Variants in DSCAM observed in about 807,000 individuals in gnomAD.
DSCAM encodes DS cell adhesion molecule.
In DSCAM, 47 loss-of-function variants were observed where a neutral mutation model predicts 217.7. The observed-to-expected ratio is 0.22, with a 90% CI of 0.17 to 0.28. The LOEUF (loss-of-function observed/expected upper bound fraction) is 0.28. DSCAM is among the 10% of genes least tolerant of loss of function. DSCAM has a pLI of 1.00. For synonymous variants in DSCAM, 1,056 were observed against 1,015.3 expected, an observed-to-expected ratio of 1.04 and a Z score of -0.76; for missense variants, 2,080 against 2,618.3, an observed-to-expected ratio of 0.79 and a Z score of 4.49.
At chr21:40,063,709 G>T (rs1436582929) in intron 27 of DSCAM, among the ~76,000 whole-genome samples, 1 of 152,210 alleles carries the variant, frequency 6.6e-6, no homozygotes, top group African/African-American at 2.4e-5. Context: ...TCAGCTGACA[G>T]TGTGACCAGC....
At chr21:40,411,171 TATATACACAC>T (rs2075319348) in intron 3 of DSCAM, among the ~76,000 whole-genome samples, 1 of 33,404 alleles carries the variant, frequency 3.0e-5, no homozygotes, top group Non-Finnish European at 5.1e-5. Flanking sequence ...AGACAGTAAT[TATATACACAC>T]ACACACACAC....
chr21:40,765,522 A>G (rs143840382), intron 1 of DSCAM, among the ~76,000 whole-genome samples: 220 of 152,302 alleles, frequency 1.4e-3, no homozygotes, highest in African/African-American at 4.3e-3. Context: ...GACCAAAGAA[A>G]AAAAATTTTT....
At chr21:40,651,317 C>T (rs1206709722) in intron 3 of DSCAM, among the ~76,000 whole-genome samples, 1 of 152,192 alleles carries the variant, frequency 6.6e-6, no homozygotes, top group Non-Finnish European at 1.5e-5. Flanking sequence ...ACTATGAAGG[C>T]AGCCACTAAT....
chr21:40,411,055 A>C (rs1304241448), intron 3 of DSCAM, among the ~76,000 whole-genome samples: 2 of 152,124 alleles, frequency 1.3e-5, no homozygotes, highest in African/African-American at 4.8e-5. Context: ...ATATGTAGAA[A>C]TAAAATACAC....
chr21:40,713,056 T>C (rs1302072684), intron 1 of DSCAM, among the ~76,000 whole-genome samples: 1 of 152,214 alleles, frequency 6.6e-6, no homozygotes, highest in African/African-American at 2.4e-5. Context: ...ATTGTCAATC[T>C]GTGCGTCTCA....
At chr21:40,530,440 G>A (rs1034065356) in intron 3 of DSCAM, among the ~76,000 whole-genome samples, 4 of 152,300 alleles carry the variant, frequency 2.6e-5, no homozygotes, top group African/African-American at 9.6e-5. Flanking sequence ...AACAGGTGGT[G>A]TCTTGAACTG....
chr21:40,369,589 C>A lies in DSCAM; in HGVS notation c.509-344G>T, dbSNP rs561970115. Among the ~76,000 whole-genome samples the A allele has an allele frequency of 2.8e-4, 42 of 151,938 alleles. 1 individual carries two copies. The highest frequency in any genetic ancestry group is 2.5e-3 in the Admixed American group (38 of 15,236). Reference sequence around the variant, plus strand: ...AAGTTGTCATATAATTGGTATATACCGAACACAGAAGATTTTCTTGGATCA... The same window carrying A: ...AAGTTGTCATATAATTGGTATATACAGAACACAGAAGATTTTCTTGGATCA... On this transcript the variant is annotated intron_variant, in intron 3 of 32. Coordinates refer to ENST00000400454, the MANE Select transcript of DSCAM (RefSeq NM_001389.5).
intron 32 of DSCAM, among the ~76,000 whole-genome samples, chr21:40,015,918 C>G (rs2837379): frequency 6.6e-6 from 1 of 152,056 alleles, no homozygotes; most frequent in African/African-American, 2.4e-5. Flanking sequence ...GACAGTGTGC[C>G]TTATCCAGCC....
intron 3 of DSCAM, among the ~76,000 whole-genome samples, chr21:40,385,576 T>C (rs1461501224): frequency 2.0e-5 from 3 of 152,312 alleles, no homozygotes; most frequent in African/African-American, 4.8e-5. Context: ...TGTATTGCAT[T>C]GACAGAATTT....
chr21:40,498,733 GTGTA>G (rs1174539780), intron 3 of DSCAM, among the ~76,000 whole-genome samples: 3 of 14,976 alleles, frequency 2.0e-4, no homozygotes, highest in Admixed American at 8.9e-4. Flanking sequence ...ATATGGGTGT[GTGTA>G]TATATATATA....
intron 1 of DSCAM, among the ~76,000 whole-genome samples, chr21:40,798,871 T>C (rs1357134498): frequency 6.6e-6 from 1 of 152,062 alleles, no homozygotes; most frequent in Non-Finnish European, 1.5e-5. Context: ...ATAAAGGTCA[T>C]ACAAAATTAA....
chr21:40,151,943 A>G (rs990313792), intron 16 of DSCAM, among the ~76,000 whole-genome samples: 1 of 152,012 alleles, frequency 6.6e-6, no homozygotes, highest in Non-Finnish European at 1.5e-5. Flanking sequence ...ACTGTCATTC[A>G]TTTTTTTCCT....
chr21:40,550,003 T>C (rs972654585), intron 3 of DSCAM, among the ~76,000 whole-genome samples: 2 of 152,334 alleles, frequency 1.3e-5, no homozygotes, highest in Admixed American at 1.3e-4. Context: ...CATCAAGCCC[T>C]ACGCTTGGTA....
chr21:40,648,963 G>C (rs1055771073), intron 3 of DSCAM, among the ~76,000 whole-genome samples: 4 of 152,190 alleles, frequency 2.6e-5, no homozygotes, highest in African/African-American at 4.8e-5. Flanking sequence ...TCAGCGGGTG[G>C]GGGTGCCTCC....
intron 3 of DSCAM, among the ~76,000 whole-genome samples, chr21:40,411,432 A>G (rs2075322544): frequency 1.3e-5 from 2 of 152,218 alleles, no homozygotes; most frequent in African/African-American, 4.8e-5. Context: ...AACATTGTCA[A>G]TAATCACACT....
intron 3 of DSCAM, among the ~76,000 whole-genome samples, chr21:40,508,758 TATA>T: frequency 6.8e-5 from 1 of 14,778 alleles, no homozygotes. Flanking sequence ...TATATATATA[TATA>T]TATATATATA....
intron 16 of DSCAM, 32 bp downstream of exon 16, chr21:40,167,186 G>A: frequency 6.2e-7 from 1 of 1,604,474 alleles, no homozygotes; most frequent in Non-Finnish European, 8.5e-7. Flanking sequence ...TGGGGGGAAA[G>A]CACCGAGAAT....
At chr21:40,586,769 T>G (rs974858338) in intron 3 of DSCAM, among the ~76,000 whole-genome samples, 3 of 152,234 alleles carry the variant, frequency 2.0e-5, no homozygotes, top group Non-Finnish European at 4.4e-5. Context: ...AACACTACCC[T>G]GCCATGTCAA....
chr21:40,082,779 A>G (rs1293262511), intron 24 of DSCAM, among the ~76,000 whole-genome samples: 2 of 152,134 alleles, frequency 1.3e-5, no homozygotes, highest in African/African-American at 4.8e-5. Flanking sequence ...GAGAGGAGAA[A>G]AAAGGCTCTG....
Sources: allele counts gnomAD v4.1 joint callset (sites outside exome capture counted in the v4.1 genomes callset), GRCh38; gene constraint gnomAD v4.1.1; transcripts MANE v1.5; gene names NCBI Gene and HGNC (gene_info 2026-07-23, HGNC 2026-07-21).